Variants in THPO observed in about 807,000 individuals in gnomAD.
THPO encodes the protein thrombopoietin, also known as MPL ligand.
In THPO, 12 loss-of-function variants were observed where a neutral mutation model predicts 17.0. The observed-to-expected ratio is 0.71, with a 90% CI of 0.45 to 1.14. The LOEUF (loss-of-function observed/expected upper bound fraction) is 1.14, where lower values mean the gene tolerates loss of function less well. THPO is among the 50% of genes most tolerant of loss of function. The probability of loss-of-function intolerance (pLI) is 0.00; values close to 1 mark genes in which losing one functional copy is unlikely to be tolerated. For synonymous variants in THPO, 188 were observed against 183.0 expected (o/e 1.03, Z -0.22); for missense variants, 365 against 427.5 (o/e 0.85, Z 1.29).
chr3:184,379,339 T>G, upstream of THPO, among the ~76,000 whole-genome samples: 1 of 146,504 alleles, frequency 6.8e-6, no homozygotes, highest in Non-Finnish European at 1.5e-5. Flanking sequence ...GTCCCTTGGG[T>G]GAAGGAAGGG....
At chr3:184,374,607 A>G (rs1216846371) in intron 4 of THPO, among the ~76,000 whole-genome samples, 1 of 152,202 alleles carries the variant, frequency 6.6e-6, no homozygotes, top group African/African-American at 2.4e-5. Flanking sequence ...CATCAAACAG[A>G]CAAGAATTAC....
In THPO at chr3:184,372,686, T is replaced by C. The variant is rs530613857; in HGVS notation, c.889A>G (p.Thr297Ala). Residue 297 changes from threonine (T) to alanine (A), a missense_variant, in exon 6 of 6, where the codon ACC becomes GCC. Physicochemically the swap from Thr to Ala is moderately conservative, Grantham distance 58. Transcript: ENST00000647395. The part of the protein sequence containing the change: ...NLQPGYSPSP[T>A]HPPTGQYTLF... ...GTATACTGTCCAGTAGGAGGATGGG[T>C]TGGGGAAGGAGAATATCCAGGCTGG... is the stretch of plus-strand genomic sequence containing the variant. The C allele has an allele frequency of 4.3e-5, 70 of 1,611,868 alleles. No homozygotes were observed. Among genetic ancestry groups the C allele is most frequent in the Non-Finnish European group, 4.2e-5 (49 of 1,178,718 alleles).
At position 184,375,513 on chromosome 3, in the gene THPO, A is replaced by G; in HGVS notation, c.228+2T>C. ...AGCCAAGGTTAGGGATGGCTTTCTT[A>G]CCATCTGGGTTTTCCATTCTCCCAA... On this transcript the variant is annotated splice_donor_variant, in intron 4 of 5. Coordinates refer to ENST00000647395, the MANE Select transcript of THPO (RefSeq NM_000460.4). LOFTEE classifies it high-confidence loss of function. 4 of 1,614,118 alleles carry G rather than the reference A, an allele frequency of 2.5e-6. No individual in the cohort carries two copies. The highest frequency in any genetic ancestry group is 3.4e-6 in the Non-Finnish European group (4 of 1,179,974).
rs372233182 is a variant in THPO at position 184,373,898 on chromosome 3, C to G, written c.229-316G>C. 1.8e-4 allele frequency among the ~76,000 whole-genome samples: 27 copies of G among 152,320 alleles called. No individual in the cohort carries two copies. The East Asian group carries it at 4.6e-3, about 26-fold the overall frequency. Reference sequence around the variant, plus strand: ...TTGGTTCTAGTGCTGCAAATTTACTCTTTCTGCTGCAAAACCTTAGGATCA... The same window carrying G: ...TTGGTTCTAGTGCTGCAAATTTACTGTTTCTGCTGCAAAACCTTAGGATCA... On this transcript the variant is annotated intron_variant, in intron 4 of 5. Transcript: ENST00000647395.
upstream of THPO, chr3:184,378,371 C>T: frequency 1.0e-6 from 1 of 985,568 alleles, no homozygotes; most frequent in Non-Finnish European, 1.2e-6. Context: ...CATGGGCAAC[C>T]TGGGACCTGG....
In THPO at chr3:184,378,055, A is replaced by C. The variant is rs1714568194; in HGVS notation, c.-146+20T>G. The stretch of plus-strand genomic sequence containing the variant: ...GTCCTTTCTACCCTCACATAACCCC[A>C]CACCCTGCTGGCCACTCACCGGGTG... On this transcript the variant is annotated intron_variant, in intron 1 of 5. Coordinates refer to ENST00000647395, the MANE Select transcript of THPO (RefSeq NM_000460.4). 1 of 985,194 alleles carries C rather than the reference A, an allele frequency of 1.0e-6. No homozygotes were observed. The highest frequency in any genetic ancestry group is 6.2e-5 in the Admixed American group (1 of 16,230). 61.0% of individuals were successfully genotyped at this position (985,194 alleles called of 1,614,324 possible).
intron 1 of THPO, among the ~76,000 whole-genome samples, chr3:184,377,527 C>G (rs935227907): frequency 6.6e-6 from 1 of 152,184 alleles, no homozygotes; most frequent in Non-Finnish European, 1.5e-5. Context: ...CCTTCCGGTT[C>G]CTTCACAGGA....
chr3:184,376,070 T>C, intron 2 of THPO, 55 bp from the exon 3 acceptor site: 1 of 1,613,544 alleles, frequency 6.2e-7, no homozygotes, highest in South Asian at 1.1e-5. Flanking sequence ...TGTCAGCTGG[T>C]ATTCCAGGAA....
Position 184,372,744 on chromosome 3 carries a change from T to C in THPO, c.831A>G (p.Gly277=), listed in dbSNP as rs1714013345. 1.2e-6 allele frequency: 2 copies of C among 1,613,722 alleles called. No individual in the cohort carries two copies. The highest frequency in any genetic ancestry group is 8.5e-7 in the Non-Finnish European group (1 of 1,179,834). The part of the protein sequence containing the change: ...RTLGAPDISS[G]TSDTGSLPPN... ...GTGGCAGGGAGCCTGTGTCTGATGT[T>C]CCTGAGGAAATGTCCGGGGCTCCTA... The change falls in exon 6 of 6, where the codon GGA becomes GGG. Residue 277 remains glycine, a synonymous_variant. Coordinates refer to ENST00000647395, the MANE Select transcript of THPO (RefSeq NM_000460.4).
At chr3:184,378,451 C>A (rs1396620110), upstream of THPO, 2 of 956,398 alleles carry the variant, frequency 2.1e-6, no homozygotes, top group South Asian at 4.8e-5. Context: ...GGGGAAGAAG[C>A]ACAGAGGTCT....
rs1713954214 is a variant in THPO, at chr3:184,372,296, C to T, written c.*217G>A. ...AGAAAATAGACCAAAGAGCTAGCTG[C>T]TCTGATGAGTATTGCTGATAGCTTA... is the stretch of plus-strand genomic sequence containing the variant. On this transcript the variant is annotated 3_prime_UTR_variant, in exon 6 of 6. Coordinates refer to ENST00000647395, the MANE Select transcript of THPO (RefSeq NM_000460.4). 1.7e-6 allele frequency: 1 copy of T among 584,704 alleles called. No individual in the cohort carries two copies. Among genetic ancestry groups the T allele is most frequent in the Non-Finnish European group, 3.0e-6 (1 of 330,372 alleles). 36.2% of individuals were successfully genotyped at this position (584,704 alleles called of 1,614,324 possible).
rs529976134 is a variant in THPO at position 184,372,279 on chromosome 3, G to A, written c.*234C>T. ...GAGTTGCAAATTTCTGCAGAAAATA[G>A]ACCAAAGAGCTAGCTGCTCTGATGA... On this transcript the variant is annotated 3_prime_UTR_variant, in exon 6 of 6. Coordinates refer to ENST00000647395, the MANE Select transcript of THPO (RefSeq NM_000460.4). 21 of 539,500 alleles carry A rather than the reference G, an allele frequency of 3.9e-5. No individual in the cohort carries two copies. The South Asian group carries it at 5.1e-4, about 13-fold the overall frequency. The allele number at this position is 539,500 out of a possible 1,614,324, so 33.4% of individuals were successfully genotyped here.
At chr3:184,374,790 A>AT (rs921960530) in intron 4 of THPO, among the ~76,000 whole-genome samples, 16 of 151,696 alleles carry the variant, frequency 1.1e-4, no homozygotes, top group African/African-American at 2.2e-4. Context: ...CACATGTAGA[A>AT]TTTTTTTTTC....
intron 4 of THPO, among the ~76,000 whole-genome samples, chr3:184,375,306 T>C (rs1244803081): frequency 6.6e-6 from 1 of 152,212 alleles, no homozygotes; most frequent in South Asian, 2.1e-4. Flanking sequence ...TTTCATGGTG[T>C]TCAGCTTCAA....
chr3:184,374,899 C>T (rs1056713943), intron 4 of THPO, among the ~76,000 whole-genome samples: 1 of 152,202 alleles, frequency 6.6e-6, no homozygotes, highest in African/African-American at 2.4e-5. Flanking sequence ...AGGGATTCTC[C>T]TGCTTCAGCC....
At chr3:184,378,899 T>C (rs998185933), upstream of THPO, 15 of 983,516 alleles carry the variant, frequency 1.5e-5, no homozygotes, top group African/African-American at 3.5e-5. Context: ...ACCAGGCCCA[T>C]GTGTCCCTGT....
Position 184,372,908 on chromosome 3 carries a change from G to A in THPO, c.667C>T (p.Gln223Ter). Residue 223 changes from glutamine (Q) to a stop codon, truncating the protein, a stop_gained, in exon 6 of 6, where the codon CAG becomes TAG. Transcript: ENST00000647395. LOFTEE classifies it low-confidence loss of function (END_TRUNC). ...TTGSGLLKWQ[Q>*]GFRAKIPGLL... is the part of the protein sequence containing the mutation. ...CCAGGAATCTTGGCTCTGAATCCCTGCTGCCACTTCAGAAGCCCAGAGCCA... is the reference window on the plus strand; with the variant it reads ...CCAGGAATCTTGGCTCTGAATCCCTACTGCCACTTCAGAAGCCCAGAGCCA... 2 of 1,613,988 alleles carry A rather than the reference G, an allele frequency of 1.2e-6. No homozygotes were observed. Among genetic ancestry groups the A allele is most frequent in the Non-Finnish European group, 1.7e-6 (2 of 1,179,952 alleles).
Position 184,378,101 on chromosome 3 carries a change from A to G in THPO, c.-172T>C. The stretch of plus-strand genomic sequence containing the variant: ...GGGTGGAGAAGGGCTCCAGGACCCA[A>G]GTGCACAGCAGGCAGCCCTCTGGGG... On this transcript the variant is annotated 5_prime_UTR_variant, in exon 1 of 6. Transcript: ENST00000647395. The G allele has an allele frequency of 1.0e-6, 1 of 985,632 alleles. No homozygotes were observed. The highest frequency in any genetic ancestry group is 1.2e-6 in the Non-Finnish European group (1 of 830,094). The allele number at this position is 985,632 out of a possible 1,614,324, so 61.1% of individuals were successfully genotyped here.
chr3:184,379,162 T>C (rs1377755567), upstream of THPO, among the ~76,000 whole-genome samples: 1 of 151,994 alleles, frequency 6.6e-6, no homozygotes, highest in African/African-American at 2.4e-5. Context: ...GATCCTGGAA[T>C]TTTCCCGTCC....
Sources: gnomAD v4.1 joint callset for allele counts (sites outside exome capture counted in the v4.1 genomes callset) on GRCh38, gnomAD v4.1.1 for gene constraint, MANE v1.5 for transcripts, NCBI Gene and HGNC (gene_info 2026-07-23, HGNC 2026-07-21) for gene names.